The following RNF157 variants were observed in gnomAD, a reference collection of about 807,000 sequenced individuals.
RNF157 encodes the protein E3 ubiquitin ligase RNF157.
In RNF157, 55 loss-of-function variants were observed where a neutral mutation model predicts 88.3. The observed-to-expected ratio is 0.62, with a 90% CI of 0.50 to 0.78. RNF157 has a LOEUF of 0.78. RNF157 is among the 30% of genes least tolerant of loss of function. RNF157 has a pLI of 0.00. For missense variants in RNF157, 788 were observed against 860.8 expected (o/e 0.92, Z 1.06); for synonymous variants, 334 against 341.2 (o/e 0.98, Z 0.23).
At chr17:76,165,641 G>A (rs928084572) in intron 6 of RNF157, 96 bp from the exon 7 acceptor site, 12 of 1,319,472 alleles carry the variant, frequency 9.1e-6, no homozygotes, top group Non-Finnish European at 1.2e-5. Context: ...CAAACCAAAT[G>A]TGCCAGTCTG....
At chr17:76,211,658 G>A (rs965451395) in intron 2 of RNF157, among the ~76,000 whole-genome samples, 45 of 152,114 alleles carry the variant, frequency 3.0e-4, no homozygotes, top group African/African-American at 9.4e-4. Context: ...CAGTTCTCTC[G>A]CTTATAAAAT....
intron 1 of RNF157, among the ~76,000 whole-genome samples, chr17:76,238,480 C>T (rs2070319492): frequency 6.6e-6 from 1 of 152,150 alleles, no homozygotes; most frequent in South Asian, 2.1e-4. Context: ...TTGGTTTGGT[C>T]TATTGTCTTT....
At chr17:76,154,384 T>A in intron 16 of RNF157, 56 bp from the exon 17 acceptor site, 1 of 1,158,808 alleles carries the variant, frequency 8.6e-7, no homozygotes, top group Non-Finnish European at 1.3e-6. Flanking sequence ...AGTAAACTGA[T>A]TGGCTGAAGA....
chr17:76,182,700 T>C (rs905411001), intron 2 of RNF157, among the ~76,000 whole-genome samples: 4 of 147,208 alleles, frequency 2.7e-5, no homozygotes, highest in Non-Finnish European at 5.9e-5. Flanking sequence ...AACTTCAACA[T>C]AAATCTTTTT....
intron 8 of RNF157, 138 bp downstream of exon 8, chr17:76,164,609 AT>A: frequency 2.0e-6 from 1 of 492,226 alleles, no homozygotes; most frequent in East Asian, 3.5e-5. Flanking sequence ...TTCTTCTTTG[AT>A]TAAAAAAAAA....
At chr17:76,193,259 T>C (rs1213104711) in intron 2 of RNF157, among the ~76,000 whole-genome samples, 1 of 152,250 alleles carries the variant, frequency 6.6e-6, no homozygotes, top group African/African-American at 2.4e-5. Context: ...TTGAAAACCA[T>C]ACAGTGCTAT....
chr17:76,226,936 C>CCTGGTGCTG, intron 1 of RNF157: 1 of 705,010 alleles, frequency 1.4e-6, no homozygotes, highest in South Asian at 2.0e-5. Context: ...CGCTGCAGAG[C>CCTGGTGCTG]CTGGTGCTGC....
In RNF157 at chr17:76,159,450, T is replaced by C; in HGVS notation, c.1189A>G (p.Met397Val). Residue 397 changes from methionine (M) to valine (V), a missense_variant, in exon 12 of 19, where the codon ATG becomes GTG. Coordinates refer to ENST00000269391, the MANE Select transcript of RNF157 (RefSeq NM_052916.3). The part of the protein sequence containing the change: ...HVLGDGHLSG[M>V]LPSYGSDGHL... Reference sequence around the variant, plus strand: ...CCATCACTGCCATATGAAGGGAGCATTCCTGAGAGGTGGCCATCTCCAAGC... The same window carrying C: ...CCATCACTGCCATATGAAGGGAGCACTCCTGAGAGGTGGCCATCTCCAAGC... 1.2e-6 allele frequency: 2 copies of C among 1,612,934 alleles called. No homozygotes were observed. The highest frequency in any genetic ancestry group is 8.5e-7 in the Non-Finnish European group (1 of 1,179,622).
rs1241489137 is a variant in RNF157, at chr17:76,157,109, GGT to G, written c.1414-790_1414-789del. ...AGCCTCCCGAGTAGCTGGGACTACA[GGT>G]GCATGCCACCACACCTGGCTAATTT... On this transcript the variant is annotated intron_variant, in intron 13 of 18. Transcript: ENST00000269391. This position sits in a 1 kb window ranked among gnomAD's most constrained non-coding sequence, Gnocchi z 5.6. Among the ~76,000 whole-genome samples the G allele has an allele frequency of 2.8e-3, 427 of 152,252 alleles. 4 individuals are homozygous for G. The highest frequency in any genetic ancestry group is 9.8e-3 in the African/African-American group (405 of 41,532).
intron 2 of RNF157, among the ~76,000 whole-genome samples, chr17:76,208,508 C>G (rs1370729819): frequency 6.6e-6 from 1 of 152,122 alleles, no homozygotes. Context: ...AAGCTTAGAA[C>G]AATCAGCCCT....
intron 8 of RNF157, chr17:76,163,945 T>C (rs1446873990): frequency 1.3e-5 from 2 of 152,242 alleles, no homozygotes; most frequent in African/African-American, 2.4e-5. Context: ...ATTCTTATTA[T>C]TGACCTCATT....
chr17:76,192,280 T>G (rs907217570), intron 2 of RNF157, among the ~76,000 whole-genome samples: 1 of 152,248 alleles, frequency 6.6e-6, no homozygotes, highest in African/African-American at 2.4e-5. Flanking sequence ...TTAGTGGCAC[T>G]TTTCGAGTCA....
At chr17:76,185,574 A>G (rs1227392562) in intron 2 of RNF157, among the ~76,000 whole-genome samples, 2 of 150,334 alleles carry the variant, frequency 1.3e-5, no homozygotes, top group South Asian at 4.2e-4. Flanking sequence ...GGTTCACGCC[A>G]TTCTCCTGCC....
In RNF157 at chr17:76,228,902, C is replaced by T. The variant is rs566990334; in HGVS notation, c.88+11251G>A. Among the ~76,000 whole-genome samples the T allele has an allele frequency of 4.6e-5, 7 of 151,690 alleles. No homozygotes were observed. In the East Asian group the frequency reaches 9.7e-4, roughly 21 times the overall value. ...CTGCGCCATTGGACTCCAGCCTGGG[C>T]GACAGAGTGAGACTCCATTTCAAAA... On this transcript the variant is annotated intron_variant, in intron 1 of 18. Transcript: ENST00000269391.
In RNF157 at chr17:76,144,077, C is replaced by T. The variant is rs1248987945; in HGVS notation, c.*1158G>A. On this transcript the variant is annotated 3_prime_UTR_variant, in exon 19 of 19. Transcript: ENST00000269391. ...GGTCCACATTTCTCTCAACCATTAACAAAAGGGGGTAGAGATGGGGGCAAC... is the reference window on the plus strand; with the variant it reads ...GGTCCACATTTCTCTCAACCATTAATAAAAGGGGGTAGAGATGGGGGCAAC... The T allele has an allele frequency of 6.6e-6, 1 of 152,212 alleles. No homozygotes were observed. The highest frequency in any genetic ancestry group is 2.4e-5 in the African/African-American group (1 of 41,440). The allele number at this position is 152,212 out of a possible 1,614,324, so 9.4% of individuals were successfully genotyped here.
At position 76,161,823 on chromosome 17, in the gene RNF157, C is replaced by A. The variant is rs1239054441; in HGVS notation, c.952+20G>T. 1 of 1,609,730 alleles carries A rather than the reference C, an allele frequency of 6.2e-7. No individual in the cohort carries two copies. Among genetic ancestry groups the A allele is most frequent in the Non-Finnish European group, 8.5e-7 (1 of 1,176,740 alleles). On this transcript the variant is annotated intron_variant, in intron 10 of 18. Coordinates refer to ENST00000269391, the MANE Select transcript of RNF157 (RefSeq NM_052916.3). The surrounding 1 kb of genome is among the most constrained non-coding windows in gnomAD (Gnocchi z 4.6). Reference sequence around the variant, plus strand: ...GTCCCCTCTCCCACCCACCAGTCCCCCTGCCGCTCTGGGGCTTACGCAGTC... The same window carrying A: ...GTCCCCTCTCCCACCCACCAGTCCCACTGCCGCTCTGGGGCTTACGCAGTC...
intron 2 of RNF157, among the ~76,000 whole-genome samples, chr17:76,182,945 T>C (rs1264533397): frequency 2.0e-5 from 3 of 151,552 alleles, no homozygotes; most frequent in Admixed American, 1.3e-4. Context: ...TGTATACTTC[T>C]GTTGGTTACT....
intron 2 of RNF157, among the ~76,000 whole-genome samples, chr17:76,199,612 C>A (rs2069537903): frequency 6.6e-6 from 1 of 150,598 alleles, no homozygotes; most frequent in Non-Finnish European, 1.5e-5. Flanking sequence ...GCAGGAAGAG[C>A]CACATCAATA....
chr17:76,181,411 A>G (rs1226932790), intron 2 of RNF157, among the ~76,000 whole-genome samples: 1 of 152,216 alleles, frequency 6.6e-6, no homozygotes, highest in African/African-American at 2.4e-5. Context: ...CTTGGAGCAC[A>G]GTATGACAAA....
Sources: allele counts gnomAD v4.1 joint callset (sites outside exome capture counted in the v4.1 genomes callset), GRCh38; gene constraint gnomAD v4.1.1; non-coding constraint Gnocchi (gnomAD v3.1); transcripts MANE v1.5; gene names NCBI Gene and HGNC (gene_info 2026-07-23, HGNC 2026-07-21).